ACAP2: variants seen among roughly 807,000 people sequenced by gnomAD.
The protein encoded by ACAP2 is arf-GAP with coiled-coil, ANK repeat and PH domain-containing protein 2.
ACAP2 carries 39 observed loss-of-function variants against 115.8 expected under a neutral mutation model. The ratio of observed to expected loss-of-function variants is 0.34; its 90% CI spans 0.26 to 0.44. The LOEUF (loss-of-function observed/expected upper bound fraction) is 0.44. ACAP2 is among the 20% of genes least tolerant of loss of function. The pLI is 1.00. For synonymous variants in ACAP2, 289 were observed against 315.8 expected (o/e 0.92, Z 0.90); for missense variants, 662 against 927.6 (o/e 0.71, Z 3.72).
chr3:195,375,235 T>C (rs75474978), intron 4 of ACAP2, among the ~76,000 whole-genome samples: 3,867 of 152,036 alleles, frequency 0.025, 146 homozygotes, highest in African/African-American at 0.085. Context: ...CTGGACATGT[T>C]ATACACATTC....
At chr3:195,356,181 C>T (rs774036454) in intron 4 of ACAP2, 43 of 455,994 alleles carry the variant, frequency 9.4e-5, no homozygotes, top group South Asian at 4.8e-4. Context: ...GAAGAATCTG[C>T]GCTGCACACG....
intron 7 of ACAP2, among the ~76,000 whole-genome samples, chr3:195,333,495 C>G (rs1223732764): frequency 2.0e-5 from 3 of 152,164 alleles, no homozygotes; most frequent in Non-Finnish European, 4.4e-5. Flanking sequence ...GCCACCATGC[C>G]CAGCTCACCA....
At chr3:195,310,377 G>C (rs74827614) in intron 10 of ACAP2, among the ~76,000 whole-genome samples, 3,290 of 152,250 alleles carry the variant, frequency 0.022, 117 homozygotes, top group East Asian at 0.1. Flanking sequence ...TCTTTACTTT[G>C]GGACAGATAG....
At chr3:195,362,944 A>C (rs1433529923) in intron 4 of ACAP2, among the ~76,000 whole-genome samples, 1 of 152,212 alleles carries the variant, frequency 6.6e-6, no homozygotes, top group Non-Finnish European at 1.5e-5. Context: ...CTTATTATGG[A>C]AGTCCTAAGC....
At chr3:195,306,083 C>A (rs1411344115) in intron 13 of ACAP2, among the ~76,000 whole-genome samples, 1 of 152,064 alleles carries the variant, frequency 6.6e-6, no homozygotes, top group African/African-American at 2.4e-5. Context: ...AAACTGAGGC[C>A]AGACTATGAC....
intron 4 of ACAP2, chr3:195,349,839 G>A (rs1731432938): frequency 5.6e-6 from 2 of 358,174 alleles, no homozygotes. Flanking sequence ...TTCTAGATGT[G>A]CGCATTGACA....
At chr3:195,337,512 A>G (rs1165662410) in intron 6 of ACAP2, among the ~76,000 whole-genome samples, 1 of 148,554 alleles carries the variant, frequency 6.7e-6, no homozygotes, top group African/African-American at 2.5e-5. Context: ...GCAATGGCAC[A>G]ATCTCAGCTC....
chr3:195,333,886 T>C (rs1730332953), intron 7 of ACAP2, among the ~76,000 whole-genome samples: 1 of 152,236 alleles, frequency 6.6e-6, no homozygotes, highest in South Asian at 2.1e-4. Context: ...AGGAGAACGC[T>C]GGGTTTTTCT....
chr3:195,435,921 G>A (rs183228159), intron 1 of ACAP2, among the ~76,000 whole-genome samples: 211 of 152,046 alleles, frequency 1.4e-3, no homozygotes, highest in African/African-American at 4.7e-3. Flanking sequence ...CTGCCTGGTT[G>A]TTCCACCCAT....
chr3:195,439,403 T>C (rs758548500), intron 1 of ACAP2, among the ~76,000 whole-genome samples: 2 of 151,850 alleles, frequency 1.3e-5, no homozygotes, highest in Non-Finnish European at 2.9e-5. Context: ...GGTCTCAAAC[T>C]CCTGGCCTCA....
intron 7 of ACAP2, among the ~76,000 whole-genome samples, chr3:195,334,251 G>T (rs1730362635): frequency 6.7e-6 from 1 of 148,678 alleles, no homozygotes; most frequent in South Asian, 2.1e-4. Flanking sequence ...AAAACACAGA[G>T]GCAAAAGGAT....
chr3:195,312,513 C>G (rs749178857), intron 10 of ACAP2, among the ~76,000 whole-genome samples: 8 of 151,974 alleles, frequency 5.3e-5, no homozygotes, highest in African/African-American at 1.9e-4. Flanking sequence ...GTCACTCAGC[C>G]TGGAGTGTCG....
At chr3:195,430,837 C>T (rs899108429) in intron 1 of ACAP2, among the ~76,000 whole-genome samples, 1 of 152,164 alleles carries the variant, frequency 6.6e-6, no homozygotes, top group Non-Finnish European at 1.5e-5. Context: ...TTCTATTCCA[C>T]CTATGCGTTT....
At chr3:195,347,380 T>C (rs912476325) in intron 4 of ACAP2, among the ~76,000 whole-genome samples, 2 of 152,084 alleles carry the variant, frequency 1.3e-5, no homozygotes, top group Non-Finnish European at 2.9e-5. Flanking sequence ...AGAGAACTAC[T>C]GAAACAGGGA....
chr3:195,383,499 C>CAG (rs1418122326), intron 2 of ACAP2, among the ~76,000 whole-genome samples: 3 of 151,648 alleles, frequency 2.0e-5, no homozygotes, highest in Non-Finnish European at 4.4e-5. Context: ...AATTGTATTA[C>CAG]AGACTCCCAA....
chr3:195,386,313 T>C (rs113747018), intron 2 of ACAP2, among the ~76,000 whole-genome samples: 106 of 152,308 alleles, frequency 7.0e-4, no homozygotes, highest in African/African-American at 2.4e-3. Context: ...ATAGTGGTGA[T>C]AGTTGTACAA....
chr3:195,442,349 A>C, intron 1 of ACAP2: 1 of 184,850 alleles, frequency 5.4e-6, no homozygotes, highest in Non-Finnish European at 1.1e-5. Flanking sequence ...ATGAACTGCA[A>C]GAGGATGCCC....
rs572060365 is a variant in ACAP2, at chr3:195,311,093, T to G, written c.858-2256A>C. 8.7e-3 allele frequency among the ~76,000 whole-genome samples: 904 copies of G among 104,184 alleles called. 6 individuals are homozygous for G. The highest frequency in any genetic ancestry group is 0.065 in the Middle Eastern group (9 of 138). 68.3% of individuals were successfully genotyped at this position (104,184 alleles called of 152,430 possible). ...TTAACATTTCATTGTGGTTTTTTTGTTTTTTTTTTGTTTTTTTTTTTGAAG... is the reference window on the plus strand; with the variant it reads ...TTAACATTTCATTGTGGTTTTTTTGGTTTTTTTTTGTTTTTTTTTTTGAAG... On this transcript the variant is annotated intron_variant, in intron 10 of 22. Coordinates refer to ENST00000326793, the MANE Select transcript of ACAP2 (RefSeq NM_012287.6).
intron 7 of ACAP2, among the ~76,000 whole-genome samples, chr3:195,335,119 T>C (rs1730417847): frequency 6.6e-6 from 1 of 152,148 alleles, no homozygotes; most frequent in Non-Finnish European, 1.5e-5. Context: ...TTATATGAAA[T>C]TCAAATTTCT....
Sources: gnomAD v4.1 joint callset for allele counts (sites outside exome capture counted in the v4.1 genomes callset) on GRCh38, gnomAD v4.1.1 for gene constraint, MANE v1.5 for transcripts, NCBI Gene and HGNC (gene_info 2026-07-23, HGNC 2026-07-21) for gene names.